Variants in ADAMTSL1 observed in about 807,000 individuals in gnomAD.
The protein encoded by ADAMTSL1 is ADAMTS-like protein 1.
A neutral mutation model predicts 201.8 loss-of-function variants in ADAMTSL1; 126 were observed. That is an observed-to-expected ratio of 0.62 (90% CI 0.54 to 0.72). ADAMTSL1 has a LOEUF of 0.72. Among genes scored for constraint, ADAMTSL1 ranks in the 30% least tolerant of loss-of-function variants. The probability of loss-of-function intolerance (pLI) is 0.00; values close to 1 mark genes in which losing one functional copy is unlikely to be tolerated. For synonymous variants in ADAMTSL1, 1,121 were observed against 903.4 expected, an observed-to-expected ratio of 1.24 and a Z score of -4.32; for missense variants, 2,679 against 2,277.8, an observed-to-expected ratio of 1.18 and a Z score of -3.59.
intron 1 of ADAMTSL1, among the ~76,000 whole-genome samples, chr9:18,105,485 G>A (rs1400134380): frequency 1.3e-5 from 2 of 152,116 alleles, no homozygotes; most frequent in Non-Finnish European, 2.9e-5. Context: ...TTTTGATGGA[G>A]CATTTCTAAG....
At chr9:18,442,551 A>G (rs1820037050) in intron 2 of ADAMTSL1, among the ~76,000 whole-genome samples, 1 of 152,198 alleles carries the variant, frequency 6.6e-6, no homozygotes, top group African/African-American at 2.4e-5. Flanking sequence ...GAAGGAAAAA[A>G]AATCATGGGT....
At chr9:18,464,096 G>A (rs191717737) in intron 2 of ADAMTSL1, among the ~76,000 whole-genome samples, 1 of 152,324 alleles carries the variant, frequency 6.6e-6, no homozygotes, top group Non-Finnish European at 1.5e-5. Flanking sequence ...TTTAGATGGT[G>A]ATAATGATTT....
intron 24 of ADAMTSL1, among the ~76,000 whole-genome samples, chr9:18,888,534 C>T (rs943360297): frequency 2.0e-5 from 3 of 152,202 alleles, no homozygotes; most frequent in African/African-American, 7.2e-5. Flanking sequence ...TGGCAAAGAA[C>T]AGACTGCGAA....
intron 1 of ADAMTSL1, among the ~76,000 whole-genome samples, chr9:18,049,339 A>G (rs147915013): frequency 1.4e-4 from 22 of 152,340 alleles, no homozygotes; most frequent in African/African-American, 5.1e-4. Flanking sequence ...TTTCAGCATG[A>G]AAATTTGTCA....
chr9:18,080,852 C>A (rs1823468281), intron 1 of ADAMTSL1, among the ~76,000 whole-genome samples: 1 of 152,136 alleles, frequency 6.6e-6, no homozygotes, highest in South Asian at 2.1e-4. Flanking sequence ...CCCATTTAGA[C>A]TCATAAAACT....
intron 23 of ADAMTSL1, among the ~76,000 whole-genome samples, chr9:18,833,468 T>C (rs1015804976): frequency 6.6e-6 from 1 of 152,228 alleles, no homozygotes; most frequent in South Asian, 2.1e-4. Context: ...GACGTTGAGT[T>C]TTTTTCATGT....
At chr9:18,155,800 C>T (rs917737831) in intron 1 of ADAMTSL1, among the ~76,000 whole-genome samples, 5 of 151,976 alleles carry the variant, frequency 3.3e-5, no homozygotes, top group Non-Finnish European at 7.4e-5. Flanking sequence ...AAATTGCAAA[C>T]ATTAGGTCTA....
intron 4 of ADAMTSL1, among the ~76,000 whole-genome samples, chr9:18,613,800 A>G (rs10963668): frequency 0.052 from 7,845 of 152,194 alleles, 293 homozygotes; most frequent in East Asian, 0.21. Context: ...TACCTGGGCA[A>G]TGAAGTAATC....
At chr9:18,636,379 C>G (rs1827115086) in intron 6 of ADAMTSL1, among the ~76,000 whole-genome samples, 1 of 152,078 alleles carries the variant, frequency 6.6e-6, no homozygotes, top group African/African-American at 2.4e-5. Context: ...TTCTAACCCA[C>G]TTCTCTTTTC....
chr9:18,325,744 GTTTT>G (rs768880998), intron 2 of ADAMTSL1, among the ~76,000 whole-genome samples: 1 of 128,668 alleles, frequency 7.8e-6, no homozygotes, highest in African/African-American at 3.5e-5. Flanking sequence ...AAGGACCTTT[GTTTT>G]TTTTTTTTTT....
intron 1 of ADAMTSL1, among the ~76,000 whole-genome samples, chr9:18,071,243 G>A (rs1224319985): frequency 6.6e-6 from 1 of 152,174 alleles, no homozygotes; most frequent in Non-Finnish European, 1.5e-5. Flanking sequence ...TTTTTTGTTT[G>A]TTGTCAGATG....
intron 3 of ADAMTSL1, among the ~76,000 whole-genome samples, chr9:18,558,265 T>C (rs1368789319): frequency 6.6e-6 from 1 of 152,154 alleles, no homozygotes; most frequent in African/African-American, 2.4e-5. Flanking sequence ...CAGTGTCTGG[T>C]TTTCTGTTCT....
chr9:18,776,908 G>A lies in ADAMTSL1; in HGVS notation c.2679G>A (p.Thr893=), dbSNP rs369204296. 3.7e-6 allele frequency: 6 copies of A among 1,609,652 alleles called. No individual in the cohort carries two copies. The highest frequency in any genetic ancestry group is 4.2e-6 in the Non-Finnish European group (5 of 1,178,344). ...GCTTCGCCTACCTGCTCCCCAAGAC[G>A]GCGGTGGTGCTGCGCTGCCCGGCGC... is the stretch of plus-strand genomic sequence containing the variant. ...VGGFAYLLPK[T]AVVLRCPARR... The change falls in exon 19 of 29, where the codon ACG becomes ACA. Residue 893 remains threonine, a synonymous_variant. Transcript: ENST00000380548.
intron 1 of ADAMTSL1, among the ~76,000 whole-genome samples, chr9:18,007,892 G>T (rs187353669): frequency 9.5e-4 from 144 of 152,052 alleles, no homozygotes; most frequent in Admixed American, 3.8e-3. Flanking sequence ...GGAAAATTAT[G>T]AAGTATTTTG....
At chr9:18,628,163 C>A (rs1826515218) in intron 5 of ADAMTSL1, among the ~76,000 whole-genome samples, 2 of 148,838 alleles carry the variant, frequency 1.3e-5, no homozygotes, top group African/African-American at 5.0e-5. Flanking sequence ...TGTCTAAGAA[C>A]TTCTTGCCTA....
At chr9:18,327,509 C>G (rs1301836462) in intron 2 of ADAMTSL1, among the ~76,000 whole-genome samples, 1 of 152,186 alleles carries the variant, frequency 6.6e-6, no homozygotes, top group African/African-American at 2.4e-5. Flanking sequence ...CCCCTCTTAT[C>G]TGTGCAAGGT....
At chr9:17,914,751 A>G (rs7874679) in intron 1 of ADAMTSL1, among the ~76,000 whole-genome samples, 10,418 of 151,878 alleles carry the variant, frequency 0.069, 725 homozygotes, top group African/African-American at 0.17. Context: ...TGCAGATGAC[A>G]TGATTGTATA....
At chr9:18,158,908 G>A (rs1357769665) in intron 1 of ADAMTSL1, among the ~76,000 whole-genome samples, 1 of 151,950 alleles carries the variant, frequency 6.6e-6, no homozygotes, top group African/African-American at 2.4e-5. Context: ...TTCAGATCAT[G>A]TGAGTTATCA....
At chr9:18,440,641 A>C (rs1000155436) in intron 2 of ADAMTSL1, among the ~76,000 whole-genome samples, 1 of 151,362 alleles carries the variant, frequency 6.6e-6, no homozygotes, top group African/African-American at 2.4e-5. Context: ...TCAAAGTCAA[A>C]TACTTCTTTT....
Sources: gnomAD v4.1 joint callset for allele counts (sites outside exome capture counted in the v4.1 genomes callset) on GRCh38, gnomAD v4.1.1 for gene constraint, MANE v1.5 for transcripts, NCBI Gene and HGNC (gene_info 2026-07-23, HGNC 2026-07-21) for gene names.